SH3PXD2A: variants seen among roughly 807,000 people sequenced by gnomAD.
SH3PXD2A encodes SH3 and PX domain-containing protein 2A.
In SH3PXD2A, 32 loss-of-function variants were observed where a neutral mutation model predicts 115.2. The ratio of observed to expected loss-of-function variants is 0.28; its 90% confidence interval spans 0.21 to 0.37. SH3PXD2A has a LOEUF of 0.37. Ranked by LOEUF, SH3PXD2A falls within the 10% of genes least tolerant of loss-of-function variation. The pLI is 1.00. For synonymous variants in SH3PXD2A, 610 were observed against 629.1 expected (o/e 0.97, Z 0.45); for missense variants, 1,328 against 1,498.7 (o/e 0.89, Z 1.88).
chr10:103,807,783 G>A (rs1382114335), intron 1 of SH3PXD2A, among the ~76,000 whole-genome samples: 3 of 152,268 alleles, frequency 2.0e-5, no homozygotes, highest in East Asian at 1.9e-4. Flanking sequence ...CCAAATCTTC[G>A]GAGTCTGGGG....
chr10:103,751,648 A>T (rs1400474801), intron 3 of SH3PXD2A, among the ~76,000 whole-genome samples: 1 of 152,218 alleles, frequency 6.6e-6, no homozygotes, highest in East Asian at 1.9e-4. Flanking sequence ...AGATGAAAAA[A>T]CTAAAGCTCA....
At chr10:103,770,800 C>T (rs954241747) in intron 2 of SH3PXD2A, among the ~76,000 whole-genome samples, 4 of 152,130 alleles carry the variant, frequency 2.6e-5, no homozygotes, top group African/African-American at 7.2e-5. Flanking sequence ...TTACCCACTC[C>T]CCTACTGTTG....
chr10:103,737,228 T>C (rs2038390949), intron 3 of SH3PXD2A, among the ~76,000 whole-genome samples: 1 of 152,218 alleles, frequency 6.6e-6, no homozygotes, highest in South Asian at 2.1e-4. Flanking sequence ...ACCTGGTACT[T>C]TTCAGTTGCA....
intron 6 of SH3PXD2A, among the ~76,000 whole-genome samples, chr10:103,669,505 A>G (rs1345300862): frequency 6.6e-6 from 1 of 152,234 alleles, no homozygotes; most frequent in Non-Finnish European, 1.5e-5. Flanking sequence ...GTATTTCTAG[A>G]ATAGAAGAGA....
chr10:103,602,392 G>C lies in SH3PXD2A; in HGVS notation c.2826C>G (p.Ser942Arg). 6 of 1,614,050 alleles carry C rather than the reference G, an allele frequency of 3.7e-6. No homozygotes were observed. The highest frequency in any genetic ancestry group is 5.1e-6 in the Non-Finnish European group (6 of 1,179,990). ...AGGGGATGGGGGGCGTGGCCTTCTT[G>C]CTCTGGTTGACGGTGTTCAGTGCTT... ...RVQALNTVNQ[S>R]KKATPPIPSK... Residue 942 changes from serine (S) to arginine (R), a missense_variant, in exon 15 of 15, where the codon AGC becomes AGG. By Grantham distance (110) the Ser-to-Arg change is moderately radical. This residue lies in a region of SH3PXD2A where 574 missense variants were observed against 565.7 expected (regional missense o/e 1.01). Transcript: ENST00000369774.
At chr10:103,821,684 C>T (rs141677544) in intron 1 of SH3PXD2A, among the ~76,000 whole-genome samples, 1 of 152,106 alleles carries the variant, frequency 6.6e-6, no homozygotes, top group Non-Finnish European at 1.5e-5. Context: ...CCCCTGCCCC[C>T]CACCACCAGT....
At chr10:103,693,836 C>G (rs1833911833) in intron 5 of SH3PXD2A, among the ~76,000 whole-genome samples, 1 of 152,128 alleles carries the variant, frequency 6.6e-6, no homozygotes, top group Non-Finnish European at 1.5e-5. Context: ...ACGGTAGGAA[C>G]GGAAGTGGAG....
chr10:103,758,607 G>T (rs561115650), intron 3 of SH3PXD2A, among the ~76,000 whole-genome samples: 1 of 152,272 alleles, frequency 6.6e-6, no homozygotes, highest in Non-Finnish European at 1.5e-5. Context: ...AGAAAGGAAT[G>T]AATGTAGCTA....
intron 9 of SH3PXD2A, 65 bp from the exon 10 acceptor site, chr10:103,622,618 G>C: frequency 1.5e-6 from 1 of 661,386 alleles, no homozygotes. Context: ...TGGAGATGAG[G>C]ATGAGATGGG....
At chr10:103,661,247 C>G in intron 7 of SH3PXD2A, 133 bp from the exon 8 acceptor site, 1 of 1,091,044 alleles carries the variant, frequency 9.2e-7, no homozygotes, top group Non-Finnish European at 1.3e-6. Context: ...AGCCCGCAGC[C>G]GGGGCTCGCA....
At chr10:103,695,835 T>G (rs1384954351) in intron 5 of SH3PXD2A, among the ~76,000 whole-genome samples, 1 of 152,244 alleles carries the variant, frequency 6.6e-6, no homozygotes, top group African/African-American at 2.4e-5. Context: ...TTGGCCTGCC[T>G]GTCCTTCAGC....
chr10:103,797,755 G>A (rs576493678), intron 2 of SH3PXD2A, among the ~76,000 whole-genome samples: 5 of 152,048 alleles, frequency 3.3e-5, no homozygotes, highest in South Asian at 2.1e-4. Flanking sequence ...GTGGGGAAGG[G>A]CTGTGCTGAT....
At chr10:103,615,511 TG>T (rs2036503071) in intron 11 of SH3PXD2A, among the ~76,000 whole-genome samples, 4 of 118,052 alleles carry the variant, frequency 3.4e-5, no homozygotes, top group Non-Finnish European at 6.1e-5. Context: ...TGTGTGTGTG[TG>T]TGTGTGTGTG....
At chr10:103,839,592 C>T (rs556116276) in intron 1 of SH3PXD2A, among the ~76,000 whole-genome samples, 7 of 151,362 alleles carry the variant, frequency 4.6e-5, no homozygotes, top group Non-Finnish European at 1.0e-4. Context: ...GCCCCTCCCC[C>T]AAGCCCACAC....
At chr10:103,767,702 G>A (rs189910749) in intron 2 of SH3PXD2A, among the ~76,000 whole-genome samples, 1 of 151,436 alleles carries the variant, frequency 6.6e-6, no homozygotes, top group East Asian at 1.9e-4. Context: ...CCCTGCTGCC[G>A]GAAGACCATT....
intron 8 of SH3PXD2A, among the ~76,000 whole-genome samples, chr10:103,641,109 C>CAGAT (rs1231724410): frequency 2.0e-5 from 3 of 152,196 alleles, no homozygotes; most frequent in African/African-American, 7.2e-5. Context: ...GAGGTCTGAA[C>CAGAT]AGATGGTAAT....
intron 1 of SH3PXD2A, among the ~76,000 whole-genome samples, chr10:103,841,720 T>A (rs2039600294): frequency 6.6e-6 from 1 of 152,028 alleles, no homozygotes; most frequent in Non-Finnish European, 1.5e-5. Flanking sequence ...TTGTTCCCTC[T>A]CCCTCAACCA....
chr10:103,718,266 C>T (rs1363728247), intron 5 of SH3PXD2A, among the ~76,000 whole-genome samples: 3 of 152,170 alleles, frequency 2.0e-5, no homozygotes, highest in African/African-American at 7.2e-5. Flanking sequence ...ATCCTCCCGC[C>T]TTGACCTCCT....
intron 8 of SH3PXD2A, among the ~76,000 whole-genome samples, chr10:103,657,666 G>A (rs565700582): frequency 6.6e-6 from 1 of 152,308 alleles, no homozygotes; most frequent in East Asian, 1.9e-4. Flanking sequence ...CTCACTTTGG[G>A]TTTGACTCCT....
Sources: gnomAD v4.1 joint callset for allele counts (sites outside exome capture counted in the v4.1 genomes callset) on GRCh38, gnomAD v4.1.1 for gene constraint, gnomAD v4.1.1 regional missense constraint, MANE v1.5 for transcripts, NCBI Gene and HGNC (gene_info 2026-07-23, HGNC 2026-07-21) for gene names.